The following MGST2 variants were observed in gnomAD, a reference collection of about 807,000 sequenced individuals.
The protein encoded by MGST2 is microsomal glutathione S-transferase 2.
A neutral mutation model predicts 16.6 loss-of-function variants in MGST2; 9 were observed. The observed-to-expected ratio is 0.54, with a 90% CI of 0.33 to 0.95. MGST2 has a LOEUF of 0.95. MGST2 is among the 40% of genes least tolerant of loss of function. MGST2 has a pLI of 0.03. For synonymous variants in MGST2, 79 were observed against 68.0 expected (o/e 1.16, Z -0.79); for missense variants, 159 against 175.1 (o/e 0.91, Z 0.52).
At position 139,710,445 on chromosome 4, in the gene MGST2, TA is replaced by T. The variant is rs140836952; in HGVS notation, c.*48+6251del. 7.5e-3 allele frequency among the ~76,000 whole-genome samples: 1,142 copies of T among 152,310 alleles called. 10 individuals carry two copies. The highest frequency in any genetic ancestry group is 0.025 in the African/African-American group (1,034 of 41,556). Reference sequence around the variant, plus strand: ...CCATTCATCCAGTGCCAAACGAGTATAAGTAAGAATATGTGGCTTGAATTGA... The same window carrying T: ...CCATTCATCCAGTGCCAAACGAGTATAGTAAGAATATGTGGCTTGAATTGA... On this transcript the variant is annotated intron_variant, in intron 5 of 5. Transcript: ENST00000616265.
intron 5 of MGST2, among the ~76,000 whole-genome samples, chr4:139,736,913 C>G (rs1597906): frequency 0.063 from 9,649 of 152,258 alleles, 502 homozygotes; most frequent in Admixed American, 0.14. Context: ...GCAAAATTTC[C>G]TGCTTTGGAA....
chr4:139,740,168 C>T (rs1407398498), intron 5 of MGST2: 1 of 152,314 alleles, frequency 6.6e-6, no homozygotes, highest in African/African-American at 2.4e-5. Flanking sequence ...CAAGCCTGCT[C>T]TCTGTGGCAC....
chr4:139,669,233 T>G (rs1730534407), intron 1 of MGST2, among the ~76,000 whole-genome samples: 1 of 152,066 alleles, frequency 6.6e-6, no homozygotes, highest in African/African-American at 2.4e-5. Flanking sequence ...TAGAATTTTA[T>G]TTTTGGTTTA....
intron 5 of MGST2, among the ~76,000 whole-genome samples, chr4:139,711,014 T>C (rs1047432174): frequency 2.9e-5 from 4 of 138,670 alleles, no homozygotes; most frequent in South Asian, 4.6e-4. Context: ...TATTTTTCCC[T>C]TTTTTTTTTT....
In MGST2 at chr4:139,725,734, G is replaced by A. The variant is rs773479439; in HGVS notation, c.*49-14478G>A. 4.3e-6 allele frequency: 7 copies of A among 1,612,144 alleles called. No individual in the cohort carries two copies. The South Asian group carries it at 6.6e-5, about 15-fold the overall frequency. On this transcript the variant is annotated intron_variant, in intron 5 of 5. Coordinates refer to the MGST2 transcript ENST00000616265. Reference sequence around the variant, plus strand: ...CCACTGGAAGGTATAAAATGAGAGAGGTTGCACTGGCCTCACCTTGAAACT... The same window carrying A: ...CCACTGGAAGGTATAAAATGAGAGAAGTTGCACTGGCCTCACCTTGAAACT...
At chr4:139,691,753 C>G (rs1014350554) in intron 2 of MGST2, among the ~76,000 whole-genome samples, 64 of 152,072 alleles carry the variant, frequency 4.2e-4, no homozygotes, top group Non-Finnish European at 8.2e-4. Flanking sequence ...GGCTGGAGTG[C>G]AGTGGCGTGA....
the MGST2 span, among the ~76,000 whole-genome samples, chr4:139,751,486 C>CATTTTGACTGT: frequency 1.3e-5 from 2 of 152,314 alleles, no homozygotes; most frequent in Non-Finnish European, 2.9e-5. Context: ...GTTTTGACTG[C>CATTTTGACTGT]ATTTTGACTG....
At chr4:139,741,676 G>A (rs916437075), downstream of MGST2, among the ~76,000 whole-genome samples, 9 of 152,312 alleles carry the variant, frequency 5.9e-5, no homozygotes, top group Admixed American at 1.3e-4. Context: ...GAGCCTGGGA[G>A]GTTGAGGCTG....
At chr4:139,707,036 T>A (rs1012637152), downstream of MGST2, among the ~76,000 whole-genome samples, 66 of 152,272 alleles carry the variant, frequency 4.3e-4, no homozygotes, top group African/African-American at 8.2e-4. Context: ...GAGTCTTTTT[T>A]AAATTTTTTT....
In MGST2 at chr4:139,703,639, G is replaced by A. The variant is rs947881643; in HGVS notation, c.311+103G>A. On this transcript the variant is annotated intron_variant, in intron 4 of 4. Transcript: ENST00000265498. Reference sequence around the variant, plus strand: ...GATATTAACAGCACTGTGAGTTGTGGTGGCAAAAGTAATCCATACTGTCTG... The same window carrying A: ...GATATTAACAGCACTGTGAGTTGTGATGGCAAAAGTAATCCATACTGTCTG... 7.4e-6 allele frequency: 8 copies of A among 1,078,600 alleles called. No individual in the cohort carries two copies. The African/African-American group carries it at 1.1e-4, about 15-fold the overall frequency. The allele number at this position is 1,078,600 out of a possible 1,614,324, so 66.8% of individuals were successfully genotyped here. A position where few individuals can be genotyped will look rare whatever the true frequency, so the allele number is the denominator to read the frequency against.
At position 139,680,042 on chromosome 4, in the gene MGST2, G is replaced by A. The variant is rs188444730; in HGVS notation, c.158+1400G>A. Among the ~76,000 whole-genome samples, 9 of 152,180 alleles carry A rather than the reference G, an allele frequency of 5.9e-5. No homozygotes were observed. The East Asian group carries it at 1.7e-3, about 29-fold the overall frequency. ...TAACCCTTTTTGATTACTACTTTGGGTATTTACTTCTGTATTTCTAAACAT... is the reference window on the plus strand; with the variant it reads ...TAACCCTTTTTGATTACTACTTTGGATATTTACTTCTGTATTTCTAAACAT... On this transcript the variant is annotated intron_variant, in intron 2 of 4. Coordinates refer to ENST00000265498, the MANE Select transcript of MGST2 (RefSeq NM_002413.5).
intron 1 of MGST2, among the ~76,000 whole-genome samples, chr4:139,674,918 G>T (rs1002148202): frequency 2.0e-5 from 3 of 152,140 alleles, no homozygotes; most frequent in African/African-American, 7.2e-5. Context: ...CTTTCATGAG[G>T]TTTAACCCGT....
chr4:139,711,026 T>C (rs1351664685), intron 5 of MGST2, among the ~76,000 whole-genome samples: 3 of 151,424 alleles, frequency 2.0e-5, no homozygotes, highest in Admixed American at 6.6e-5. Context: ...TTTTTTTTTT[T>C]GTTTTGAGAC....
chr4:139,720,427 G>T, intron 5 of MGST2: 1 of 977,632 alleles, frequency 1.0e-6, no homozygotes. Flanking sequence ...TCCTTTATAT[G>T]AAAGGATCTA....
At chr4:139,703,629 G>A (rs915044211) in intron 4 of MGST2, 93 bp downstream of exon 4, 1 of 1,174,516 alleles carries the variant, frequency 8.5e-7, no homozygotes. Flanking sequence ...TAACAGCACT[G>A]TGAGTTGTGG....
downstream of MGST2, among the ~76,000 whole-genome samples, chr4:139,708,006 T>C (rs1187902314): frequency 4.6e-5 from 7 of 152,204 alleles, no homozygotes; most frequent in Non-Finnish European, 1.0e-4. Context: ...TTCTGTAGGT[T>C]GCCTGTTCAC....
At chr4:139,700,078 C>T (rs201811734) in intron 3 of MGST2, among the ~76,000 whole-genome samples, 1 of 150,782 alleles carries the variant, frequency 6.6e-6, no homozygotes, top group Non-Finnish European at 1.5e-5. Context: ...ATTTATTGAG[C>T]CCTTACTATG....
At chr4:139,725,905 C>A in intron 5 of MGST2, 1 of 1,295,938 alleles carries the variant, frequency 7.7e-7, no homozygotes, top group South Asian at 1.2e-5. Flanking sequence ...AATATCCCAG[C>A]AGTTCCGAGG....
intron 1 of MGST2, 51 bp downstream of exon 1, chr4:139,666,128 G>GTT: frequency 6.4e-7 from 1 of 1,568,228 alleles, no homozygotes; most frequent in Non-Finnish European, 8.8e-7. Flanking sequence ...GTGTGTGTGT[G>GTT]TGTGTGACAA....
Sources: allele counts gnomAD v4.1 joint callset (sites outside exome capture counted in the v4.1 genomes callset), GRCh38; gene constraint gnomAD v4.1.1; transcripts MANE v1.5; gene names NCBI Gene and HGNC (gene_info 2026-07-23, HGNC 2026-07-21).